MSRB2: variants seen among roughly 807,000 people sequenced by gnomAD.
MSRB2 encodes the protein methionine-R-sulfoxide reductase B2, mitochondrial.
A neutral mutation model predicts 19.0 loss-of-function variants in MSRB2; 17 were observed. The ratio of observed to expected loss-of-function variants is 0.89; its 90% confidence interval spans 0.61 to 1.34. The LOEUF is 1.34. Among genes scored for constraint, MSRB2 ranks in the 40% most tolerant of loss-of-function variants. The probability of loss-of-function intolerance (pLI) is 0.00; values close to 1 mark genes in which losing one functional copy is unlikely to be tolerated. For synonymous variants in MSRB2, 107 were observed against 99.7 expected (o/e 1.07, Z -0.44); for missense variants, 208 against 237.6 (o/e 0.88, Z 0.82).
In MSRB2 at chr10:23,104,256, T is replaced by C. The variant is rs201254222; in HGVS notation, c.219+12T>C. 6.2e-7 allele frequency: 1 copy of C among 1,609,318 alleles called. No individual in the cohort carries two copies. Among genetic ancestry groups the C allele is most frequent in the African/African-American group, 1.3e-5 (1 of 74,678 alleles). ...AGGGAACGGAACCGGTAAGCTAAGCTGGTTTACAGTTTTCTGATTGCATGT... is the reference window on the plus strand; with the variant it reads ...AGGGAACGGAACCGGTAAGCTAAGCCGGTTTACAGTTTTCTGATTGCATGT... On this transcript the variant is annotated intron_variant, in intron 2 of 4. Coordinates refer to ENST00000376510, the MANE Select transcript of MSRB2 (RefSeq NM_012228.4).
At chr10:23,096,362 G>GTA (rs775106941) in intron 1 of MSRB2, among the ~76,000 whole-genome samples, 143 of 151,402 alleles carry the variant, frequency 9.4e-4, no homozygotes, top group Non-Finnish European at 1.7e-3. Context: ...CTGTGTGTGT[G>GTA]TGTGTGTGTG....
Position 23,120,927 on chromosome 10 carries a change from T to G in MSRB2, c.*65T>G, listed in dbSNP as rs1468755608. The G allele has an allele frequency of 8.2e-7, 1 of 1,226,710 alleles. No individual in the cohort carries two copies. Among genetic ancestry groups the G allele is most frequent in the Non-Finnish European group, 1.2e-6 (1 of 846,996 alleles). The allele number at this position is 1,226,710 out of a possible 1,614,324, so 76.0% of individuals were successfully genotyped here. A position where few individuals can be genotyped will look rare whatever the true frequency, so the allele number is the denominator to read the frequency against. ...TGCACCCTCAATTTCCACAATTCACTTGAATGACTTGTTTTATTTGCAATA... is the reference window on the plus strand; with the variant it reads ...TGCACCCTCAATTTCCACAATTCACGTGAATGACTTGTTTTATTTGCAATA... On this transcript the variant is annotated 3_prime_UTR_variant, in exon 5 of 5. Transcript: ENST00000376510.
Position 23,108,118 on chromosome 10 carries a change from C to T in MSRB2, c.220-2124C>T, listed in dbSNP as rs114602366. 7.6e-3 allele frequency among the ~76,000 whole-genome samples: 1,151 copies of T among 152,018 alleles called. 19 individuals are homozygous for T. Among genetic ancestry groups the T allele is most frequent in the African/African-American group, 0.023 (973 of 41,454 alleles). ...GATTACAGGTGCCTGCCACTACACC[C>T]GGCTAATATTTTGATTTTTAGTAGA... On this transcript the variant is annotated intron_variant, in intron 2 of 4. Coordinates refer to ENST00000376510, the MANE Select transcript of MSRB2 (RefSeq NM_012228.4).
intron 3 of MSRB2, 56 bp downstream of exon 3, chr10:23,110,374 C>A: frequency 2.2e-6 from 3 of 1,378,726 alleles, no homozygotes; most frequent in Admixed American, 1.8e-5. Context: ...GTTCTTACTG[C>A]TTTGTTTCAT....
intron 4 of MSRB2, among the ~76,000 whole-genome samples, chr10:23,119,847 G>A (rs1443226949): frequency 2.0e-5 from 3 of 151,980 alleles, no homozygotes; most frequent in Non-Finnish European, 2.9e-5. Context: ...CACCTGCCTC[G>A]GCCTCCCAAA....
chr10:23,106,564 G>C (rs1418018491), intron 2 of MSRB2, among the ~76,000 whole-genome samples: 1 of 152,216 alleles, frequency 6.6e-6, no homozygotes, highest in Non-Finnish European at 1.5e-5. Context: ...AGTTTAGCCA[G>C]TGGGAGACAA....
Position 23,121,935 on chromosome 10 carries a change from G to A in MSRB2, c.*1073G>A, listed in dbSNP as rs978817262. The A allele has an allele frequency of 6.6e-6, 1 of 152,164 alleles. No individual in the cohort carries two copies. The highest frequency in any genetic ancestry group is 1.5e-5 in the Non-Finnish European group (1 of 68,026). 9.4% of individuals were successfully genotyped at this position (152,164 alleles called of 1,614,324 possible). On this transcript the variant is annotated 3_prime_UTR_variant, in exon 5 of 5. Coordinates refer to ENST00000376510, the MANE Select transcript of MSRB2 (RefSeq NM_012228.4). ...GACTTGGTTAGATTTCAATGATTAT[G>A]AATAAATGTTCACCTTCATACCTTC...
chr10:23,114,130 A>C (rs187374921), intron 3 of MSRB2, among the ~76,000 whole-genome samples: 28 of 152,252 alleles, frequency 1.8e-4, no homozygotes, highest in Non-Finnish European at 3.8e-4. Flanking sequence ...CGGGTGGATC[A>C]CTGCAGGTCA....
chr10:23,110,641 G>T, intron 3 of MSRB2, among the ~76,000 whole-genome samples: 1 of 151,394 alleles, frequency 6.6e-6, no homozygotes, highest in Admixed American at 6.6e-5. Context: ...TTTTTTTAGA[G>T]GGAAAGTATT....
At chr10:23,119,201 A>G in intron 3 of MSRB2, 103 bp from the exon 4 acceptor site, 2 of 1,395,332 alleles carry the variant, frequency 1.4e-6, no homozygotes, top group Non-Finnish European at 2.0e-6. Flanking sequence ...GGCAGAGGAG[A>G]GTGGGAACAG....
At position 23,110,225 on chromosome 10, in the gene MSRB2, A is replaced by T. The variant is rs768079976; in HGVS notation, c.220-17A>T. On this transcript the variant is annotated splice_polypyrimidine_tract_variant and intron_variant, in intron 2 of 4. Coordinates refer to ENST00000376510, the MANE Select transcript of MSRB2 (RefSeq NM_012228.4). Reference sequence around the variant, plus strand: ...AGTATGAGAAATCTGAACATGACATATCTAATTTACTTTCAGCCTTTCAGT... The same window carrying T: ...AGTATGAGAAATCTGAACATGACATTTCTAATTTACTTTCAGCCTTTCAGT... 10 of 1,602,278 alleles carry T rather than the reference A, an allele frequency of 6.2e-6. No homozygotes were observed. Among genetic ancestry groups the T allele is most frequent in the Non-Finnish European group, 6.8e-6 (8 of 1,169,688 alleles).
intron 4 of MSRB2, among the ~76,000 whole-genome samples, chr10:23,119,731 A>G (rs922386923): frequency 2.6e-5 from 4 of 152,078 alleles, no homozygotes; most frequent in African/African-American, 7.2e-5. Context: ...AGTAGTTGGG[A>G]TTACAGGTGC....
At chr10:23,099,215 A>G (rs1250276252) in intron 1 of MSRB2, among the ~76,000 whole-genome samples, 1 of 152,212 alleles carries the variant, frequency 6.6e-6, no homozygotes, top group African/African-American at 2.4e-5. Flanking sequence ...CAGGTCAAAG[A>G]AACCTCTTAA....
At chr10:23,112,235 C>G (rs10160199) in intron 3 of MSRB2, among the ~76,000 whole-genome samples, 56,577 of 152,100 alleles carry the variant, frequency 0.37, 11,440 homozygotes, top group Non-Finnish European at 0.46. Flanking sequence ...TGTTTCTCTT[C>G]CCCTTTCCTG....
intron 2 of MSRB2, 145 bp from the exon 3 acceptor site, chr10:23,110,097 A>G (rs923634003): frequency 1.6e-6 from 1 of 607,560 alleles, no homozygotes; most frequent in South Asian, 2.2e-5. Flanking sequence ...GTACATTATA[A>G]TTTTCTCTCT....
At chr10:23,111,231 C>T (rs2131629399) in intron 3 of MSRB2, among the ~76,000 whole-genome samples, 1 of 152,268 alleles carries the variant, frequency 6.6e-6, no homozygotes, top group South Asian at 2.1e-4. Flanking sequence ...AGGCCTTTGC[C>T]CGGATGCATT....
At chr10:23,105,560 C>G (rs1478400108) in intron 2 of MSRB2, among the ~76,000 whole-genome samples, 1 of 152,162 alleles carries the variant, frequency 6.6e-6, no homozygotes. Flanking sequence ...TAAATGAGAA[C>G]ATAGTGCCGC....
intron 3 of MSRB2, among the ~76,000 whole-genome samples, chr10:23,110,620 T>C (rs1190799455): frequency 1.1e-5 from 1 of 92,776 alleles, no homozygotes; most frequent in Admixed American, 1.1e-4. Context: ...ATAAAGCTAT[T>C]AGAGTTTTTT....
At chr10:23,103,864 G>A (rs562269328) in intron 1 of MSRB2, among the ~76,000 whole-genome samples, 3 of 152,284 alleles carry the variant, frequency 2.0e-5, no homozygotes, top group South Asian at 2.1e-4. Context: ...AATGTATTCC[G>A]CATTCTTTCA....
Sources: gnomAD v4.1 joint callset for allele counts (sites outside exome capture counted in the v4.1 genomes callset) on GRCh38, gnomAD v4.1.1 for gene constraint, MANE v1.5 for transcripts, NCBI Gene and HGNC (gene_info 2026-07-23, HGNC 2026-07-21) for gene names.